LPP: variants seen among roughly 807,000 people sequenced by gnomAD.
LPP encodes lipoma-preferred partner.
LPP carries 38 observed loss-of-function variants against 60.4 expected under a neutral mutation model. The observed-to-expected ratio is 0.63, with a 90% CI of 0.49 to 0.83. The LOEUF (loss-of-function observed/expected upper bound fraction) is 0.83. Ranked by LOEUF, LPP falls within the 40% of genes least tolerant of loss-of-function variation. The pLI, the probability that LPP is intolerant of heterozygous loss-of-function variation, is 0.00. For missense variants in LPP, 902 were observed against 783.6 expected, an observed-to-expected ratio of 1.15 and a Z score of -1.80; for synonymous variants, 328 against 290.8, an observed-to-expected ratio of 1.13 and a Z score of -1.30.
chr3:188,773,252 C>T (rs1319757415), intron 9 of LPP, among the ~76,000 whole-genome samples: 2 of 151,816 alleles, frequency 1.3e-5, no homozygotes, highest in African/African-American at 2.4e-5. Context: ...CTTGTCCCTG[C>T]AGAGTAAGGG....
At chr3:188,287,504 A>G (rs1294158730) in intron 2 of LPP, among the ~76,000 whole-genome samples, 1 of 152,224 alleles carries the variant, frequency 6.6e-6, no homozygotes, top group Non-Finnish European at 1.5e-5. Context: ...TGAAGAGAGA[A>G]GCCAGATGGT....
chr3:188,497,480 C>T (rs1810581980), intron 5 of LPP, among the ~76,000 whole-genome samples: 1 of 152,170 alleles, frequency 6.6e-6, no homozygotes, highest in South Asian at 2.1e-4. Flanking sequence ...TGAATAATTG[C>T]ATAACTTTTA....
chr3:188,588,379 C>T (rs1837945709), intron 6 of LPP, among the ~76,000 whole-genome samples: 1 of 152,154 alleles, frequency 6.6e-6, no homozygotes, highest in African/African-American at 2.4e-5. Context: ...ATATTTGTCC[C>T]TTAATTCTAT....
chr3:188,606,315 T>C (rs1842362911), intron 6 of LPP, among the ~76,000 whole-genome samples: 2 of 152,204 alleles, frequency 1.3e-5, no homozygotes, highest in Admixed American at 1.3e-4. Context: ...GCTGTCATTT[T>C]TATTTGAATC....
At chr3:188,536,959 A>G (rs1823807183) in intron 6 of LPP, among the ~76,000 whole-genome samples, 1 of 152,234 alleles carries the variant, frequency 6.6e-6, no homozygotes. Context: ...TCACCCAGCC[A>G]ACACAGAGTT....
chr3:188,693,635 G>A (rs555537018), intron 7 of LPP, among the ~76,000 whole-genome samples: 1 of 152,270 alleles, frequency 6.6e-6, no homozygotes, highest in South Asian at 2.1e-4. Context: ...GCAAAGGGAT[G>A]GCACCAGCGC....
intron 9 of LPP, among the ~76,000 whole-genome samples, chr3:188,779,229 T>TC (rs1359393003): frequency 3.3e-5 from 5 of 152,194 alleles, no homozygotes; most frequent in Non-Finnish European, 7.3e-5. Flanking sequence ...AAGTACCTGA[T>TC]GATAGTGTGC....
In LPP at chr3:188,289,690, G is replaced by A. The variant is rs909493120; in HGVS notation, c.-66-51973G>A. ...AAAAAACGAATAAGCAGGTACATAC[G>A]TAGACAGATAGTGCTAATGATGATT... On this transcript the variant is annotated intron_variant, in intron 2 of 11. Coordinates refer to ENST00000617246, the MANE Select transcript of LPP (RefSeq NM_001375462.1). 3.3e-5 allele frequency among the ~76,000 whole-genome samples: 5 copies of A among 152,082 alleles called. No individual in the cohort carries two copies. The South Asian group carries it at 6.2e-4, about 19-fold the overall frequency.
At chr3:188,398,749 A>G (rs1041560776) in intron 3 of LPP, among the ~76,000 whole-genome samples, 1 of 152,222 alleles carries the variant, frequency 6.6e-6, no homozygotes, top group Non-Finnish European at 1.5e-5. Context: ...TCTGCTTCGC[A>G]ATTACGCTGG....
intron 6 of LPP, among the ~76,000 whole-genome samples, chr3:188,542,604 A>G (rs1471336824): frequency 6.6e-6 from 1 of 152,242 alleles, no homozygotes; most frequent in Non-Finnish European, 1.5e-5. Context: ...TGTGGTCACA[A>G]ACATAAACAT....
At chr3:188,855,331 G>A (rs1763570374) in intron 9 of LPP, among the ~76,000 whole-genome samples, 2 of 152,202 alleles carry the variant, frequency 1.3e-5, no homozygotes, top group South Asian at 4.1e-4. Context: ...CTGCCGCAGA[G>A]GCTGCAAATG....
chr3:188,524,623 G>T, intron 5 of LPP, 42 bp from the exon 6 acceptor site: 1 of 1,574,246 alleles, frequency 6.4e-7, no homozygotes, highest in South Asian at 1.2e-5. Flanking sequence ...ATGATATCAA[G>T]GGAAATTTCC....
intron 7 of LPP, among the ~76,000 whole-genome samples, chr3:188,630,444 T>C (rs978430369): frequency 6.6e-6 from 1 of 152,166 alleles, no homozygotes; most frequent in African/African-American, 2.4e-5. Context: ...AGAATGGCTA[T>C]TATTAAAAAG....
intron 2 of LPP, among the ~76,000 whole-genome samples, chr3:188,307,386 G>A (rs1022076566): frequency 9.9e-5 from 15 of 152,180 alleles, no homozygotes; most frequent in Admixed American, 6.5e-4. Context: ...ATATCTGTGG[G>A]TGGGACTCAG....
At chr3:188,237,948 C>T (rs1560141258) in intron 2 of LPP, among the ~76,000 whole-genome samples, 1 of 152,188 alleles carries the variant, frequency 6.6e-6, no homozygotes, top group Non-Finnish European at 1.5e-5. Flanking sequence ...TCTGAAAGTC[C>T]TGGATGGCAT....
intron 7 of LPP, among the ~76,000 whole-genome samples, chr3:188,666,401 A>G (rs1855806656): frequency 6.6e-6 from 1 of 152,216 alleles, no homozygotes; most frequent in Non-Finnish European, 1.5e-5. Flanking sequence ...GTCTTTGTTC[A>G]CAGGAGTAGA....
At chr3:188,198,340 G>A (rs150746032) in intron 1 of LPP, among the ~76,000 whole-genome samples, 10 of 152,324 alleles carry the variant, frequency 6.6e-5, no homozygotes, top group African/African-American at 2.4e-4. Context: ...TTGCTATATA[G>A]CACAGGCTTA....
Position 188,609,162 on chromosome 3 carries a change from G to C in LPP, c.431G>C (p.Ser144Thr), listed in dbSNP as rs1843116939. ...TCTTTTTTTTCCTATTCTTTTTAGA[G>C]CTCCACTGGTTCAACAGCCTCTCCT... ...SSPYKPRPPQ[S>T]STGSTASPPV... Residue 144 changes from serine to threonine, a missense_variant and splice_region_variant, in exon 7 of 12, where the codon AGC (serine) becomes ACC (threonine). Transcript: ENST00000617246. The surrounding 1 kb of genome is among the most constrained non-coding windows in gnomAD (Gnocchi z 6.9). The C allele has an allele frequency of 4.4e-6, 7 of 1,583,424 alleles. No homozygotes were observed. Among genetic ancestry groups the C allele is most frequent in the Non-Finnish European group, 6.0e-6 (7 of 1,163,200 alleles).
intron 2 of LPP, among the ~76,000 whole-genome samples, chr3:188,332,826 C>G (rs538461742): frequency 7.2e-5 from 11 of 152,248 alleles, no homozygotes; most frequent in Admixed American, 7.2e-4. Flanking sequence ...CATATTAGGG[C>G]TTGGTTTTGT....
Sources: gnomAD v4.1 joint callset for allele counts (sites outside exome capture counted in the v4.1 genomes callset) on GRCh38, gnomAD v4.1.1 for gene constraint, Gnocchi (gnomAD v3.1) non-coding constraint, MANE v1.5 for transcripts, NCBI Gene and HGNC (gene_info 2026-07-23, HGNC 2026-07-21) for gene names.